COL5A2: variants seen among roughly 807,000 people sequenced by gnomAD.
COL5A2 encodes the protein collagen alpha-2(V) chain.
In COL5A2, 23 loss-of-function variants were observed where a neutral mutation model predicts 208.2. The ratio of observed to expected loss-of-function variants is 0.11; its 90% CI spans 0.08 to 0.16. The LOEUF is 0.16. COL5A2 is among the 10% of genes least tolerant of loss of function. The probability of loss-of-function intolerance (pLI) is 1.00; values close to 1 mark genes in which losing one functional copy is unlikely to be tolerated. For missense variants in COL5A2, 1,590 were observed against 1,956.4 expected, an observed-to-expected ratio of 0.81 and a Z score of 3.53; for synonymous variants, 625 against 628.5, an observed-to-expected ratio of 0.99 and a Z score of 0.08.
intron 1 of COL5A2, among the ~76,000 whole-genome samples, chr2:189,211,155 T>G (rs1689208098): frequency 6.6e-6 from 1 of 152,184 alleles, no homozygotes; most frequent in Non-Finnish European, 1.5e-5. Flanking sequence ...TAAACTTCAG[T>G]TATGATTTGT....
At chr2:189,118,222 C>T (rs984820628) in intron 1 of COL5A2, among the ~76,000 whole-genome samples, 3 of 151,648 alleles carry the variant, frequency 2.0e-5, no homozygotes, top group African/African-American at 7.3e-5. Context: ...ATCATTTATT[C>T]CTGACATTAT....
chr2:189,393,676 G>C, the COL5A2 span, among the ~76,000 whole-genome samples: 1 of 152,148 alleles, frequency 6.6e-6, no homozygotes, highest in Non-Finnish European at 1.5e-5. Flanking sequence ...AGAAGCATTA[G>C]TCATGAAGTG....
chr2:189,177,546 T>C (rs1313932552), intron 1 of COL5A2, among the ~76,000 whole-genome samples: 1 of 152,244 alleles, frequency 6.6e-6, no homozygotes, highest in African/African-American at 2.4e-5. Flanking sequence ...TTATCACTTA[T>C]ATTCTCTTAA....
chr2:189,254,609 C>T, the COL5A2 span, among the ~76,000 whole-genome samples: 111 of 152,310 alleles, frequency 7.3e-4, no homozygotes, highest in African/African-American at 2.5e-3. Context: ...TAGTGCTGTG[C>T]CCCTGCCTGG....
the COL5A2 span, among the ~76,000 whole-genome samples, chr2:189,352,510 T>C: frequency 6.6e-6 from 1 of 152,244 alleles, no homozygotes; most frequent in Non-Finnish European, 1.5e-5. Flanking sequence ...TGAGATGGTA[T>C]CTCATTGTGA....
At chr2:189,293,979 T>C in the COL5A2 span, among the ~76,000 whole-genome samples, 1 of 151,172 alleles carries the variant, frequency 6.6e-6, no homozygotes, top group Non-Finnish European at 1.5e-5. Flanking sequence ...TCCCAGCTAC[T>C]GGTGAGGCTG....
Position 189,081,013 on chromosome 2 carries a change from G to T in COL5A2, c.883C>A (p.Leu295Ile). 1 of 1,613,516 alleles carries T rather than the reference G, an allele frequency of 6.2e-7. No individual in the cohort carries two copies. Among genetic ancestry groups the T allele is most frequent in the South Asian group, 1.1e-5 (1 of 91,078 alleles). Residue 295 changes from leucine (L) to isoleucine (I), a missense_variant, in exon 13 of 54, where the codon CTT (leucine) becomes ATT (isoleucine). Transcript: ENST00000374866. ...ACTCGGTGACCCTTCAGACCTGGAAGACCAGGAGCCCCAGGAAATCCACGA... is the reference window on the plus strand; with the variant it reads ...ACTCGGTGACCCTTCAGACCTGGAATACCAGGAGCCCCAGGAAATCCACGA... Reference protein sequence around the residue: ...GARGFPGAPGLPGLKGHRGHK... With the variant: ...GARGFPGAPGIPGLKGHRGHK...
At chr2:189,379,058 T>C in the COL5A2 span, among the ~76,000 whole-genome samples, 1 of 152,136 alleles carries the variant, frequency 6.6e-6, no homozygotes, top group African/African-American at 2.4e-5. Context: ...TTCTAAATTC[T>C]ATGTGAGCTA....
the COL5A2 span, among the ~76,000 whole-genome samples, chr2:189,323,090 C>T: frequency 3.3e-5 from 5 of 152,170 alleles, no homozygotes; most frequent in East Asian, 1.9e-4. Flanking sequence ...TCTCAATAGA[C>T]GCAGAAAAGG....
chr2:189,312,761 C>G, the COL5A2 span, among the ~76,000 whole-genome samples: 3 of 151,986 alleles, frequency 2.0e-5, no homozygotes, highest in Non-Finnish European at 4.4e-5. Context: ...TCATTCACAG[C>G]CTTCACTGGT....
At chr2:189,437,125 G>T in the COL5A2 span, among the ~76,000 whole-genome samples, 2 of 152,242 alleles carry the variant, frequency 1.3e-5, no homozygotes, top group East Asian at 3.9e-4. Flanking sequence ...ATGATCTAGG[G>T]TAAGTTAGCA....
chr2:189,407,060 T>C, the COL5A2 span, among the ~76,000 whole-genome samples: 1 of 152,154 alleles, frequency 6.6e-6, no homozygotes, highest in South Asian at 2.1e-4. Flanking sequence ...GCCAAGTTCA[T>C]TCCAAACAGG....
At chr2:189,214,207 A>C (rs958520222) in intron 1 of COL5A2, among the ~76,000 whole-genome samples, 2 of 152,114 alleles carry the variant, frequency 1.3e-5, no homozygotes, top group African/African-American at 2.4e-5. Flanking sequence ...TTTATGCCTA[A>C]AAATATGAAG....
At chr2:189,252,898 G>A in the COL5A2 span, among the ~76,000 whole-genome samples, 16 of 152,316 alleles carry the variant, frequency 1.1e-4, no homozygotes, top group African/African-American at 3.6e-4. Flanking sequence ...AATTGCAGAT[G>A]ATGGGACTGT....
At chr2:189,401,802 T>C in the COL5A2 span, among the ~76,000 whole-genome samples, 1 of 152,232 alleles carries the variant, frequency 6.6e-6, no homozygotes, top group African/African-American at 2.4e-5. Context: ...GGTTTTGATT[T>C]GCATTTCTCT....
intron 1 of COL5A2, among the ~76,000 whole-genome samples, chr2:189,169,021 G>A (rs533414186): frequency 6.6e-6 from 1 of 152,292 alleles, no homozygotes; most frequent in South Asian, 2.1e-4. Context: ...CTTTTGGAAA[G>A]TGAAGAGACT....
At chr2:189,421,490 C>T in the COL5A2 span, among the ~76,000 whole-genome samples, 1 of 152,108 alleles carries the variant, frequency 6.6e-6, no homozygotes, top group African/African-American at 2.4e-5. Context: ...CACCCCTTCC[C>T]CAACCCCAGG....
Position 189,179,648 on chromosome 2 carries a change from G to A in COL5A2, c.-44C>T, listed in dbSNP as rs1197379117. The stretch of plus-strand genomic sequence containing the variant: ...TGGGTTCTCCTGAGAGTGAAAAGTA[G>A]ATTCTGAGGTTATTGTAGCACCATG... On this transcript the variant is annotated 5_prime_UTR_variant, in exon 1 of 54. Transcript: ENST00000374866. 1 of 1,567,648 alleles carries A rather than the reference G, an allele frequency of 6.4e-7. No homozygotes were observed. Among genetic ancestry groups the A allele is most frequent in the African/African-American group, 1.4e-5 (1 of 73,960 alleles).
intron 12 of COL5A2, 115 bp downstream of exon 12, chr2:189,083,869 A>G (rs1278752433): frequency 2.5e-6 from 2 of 805,532 alleles, no homozygotes; most frequent in Non-Finnish European, 2.1e-6. Context: ...GGAAACAAAC[A>G]ATGCTGTTTG....
Sources: gnomAD v4.1 joint callset for allele counts (sites outside exome capture counted in the v4.1 genomes callset) on GRCh38, gnomAD v4.1.1 for gene constraint, MANE v1.5 for transcripts, NCBI Gene and HGNC (gene_info 2026-07-23, HGNC 2026-07-21) for gene names.